The following TGM5 variants were observed in gnomAD, a reference collection of about 807,000 sequenced individuals.
TGM5 encodes the protein transglutaminase 5, also known as protein-glutamine gamma-glutamyltransferase 5.
Under a neutral mutation model 77.2 loss-of-function variants are expected in TGM5, and 69 were observed. The ratio of observed to expected loss-of-function variants is 0.89; its 90% CI spans 0.74 to 1.09. The LOEUF is 1.09. Ranked by LOEUF, TGM5 falls within the 50% of genes least tolerant of loss-of-function variation. TGM5 has a pLI of 0.00. For synonymous variants in TGM5, 346 were observed against 351.8 expected (o/e 0.98, Z 0.18); for missense variants, 842 against 896.5 (o/e 0.94, Z 0.78).
At chr15:43,253,413 G>A in intron 5 of TGM5, 93 bp downstream of exon 5, 2 of 1,562,586 alleles carry the variant, frequency 1.3e-6, no homozygotes, top group Admixed American at 3.5e-5. Flanking sequence ...TTGCCAGAGG[G>A]TCCCTCTTTC....
At chr15:43,254,171 G>C (rs1005307722) in intron 4 of TGM5, among the ~76,000 whole-genome samples, 5 of 152,218 alleles carry the variant, frequency 3.3e-5, no homozygotes, top group African/African-American at 1.2e-4. Context: ...TGGTCCTTCA[G>C]ACTTGGTGTG....
chr15:43,239,044 C>T lies in TGM5; in HGVS notation c.1118G>A (p.Cys373Tyr), dbSNP rs1566829262. 3 of 1,614,034 alleles carry T rather than the reference C, an allele frequency of 1.9e-6. No individual in the cohort carries two copies. The highest frequency in any genetic ancestry group is 1.7e-5 in the Admixed American group (1 of 60,020). Residue 373 changes from cysteine to tyrosine, a missense_variant, in exon 9 of 13, where the codon TGT becomes TAT. Physicochemically the swap from Cys to Tyr is radical, Grantham distance 194. Around this residue, in one of 2 missense-constraint regions of TGM5, gnomAD observed 815 missense variants for 844.6 expected, o/e 0.96. Coordinates refer to ENST00000220420, the MANE Select transcript of TGM5 (RefSeq NM_201631.4). ...GATGGCTCTGACAGAGGCAGGGCCACAGCAGTAGACGCCTGAAGGAGAACA... is the reference window on the plus strand; with the variant it reads ...GATGGCTCTGACAGAGGCAGGGCCATAGCAGTAGACGCCTGAAGGAGAACA... ...PQEMSNGVYC[C>Y]GPASVRAIKE...
At chr15:43,256,536 CG>C in intron 4 of TGM5, 31 bp downstream of exon 4, 1 of 1,552,364 alleles carries the variant, frequency 6.4e-7, no homozygotes, top group Non-Finnish European at 8.9e-7. Flanking sequence ...AGCTCGGGGC[CG>C]GGATGGGCCA....
chr15:43,233,423 A>G lies in TGM5; in HGVS notation c.2010-79T>C. 6 of 1,609,232 alleles carry G rather than the reference A, an allele frequency of 3.7e-6. No individual in the cohort carries two copies. The South Asian group carries it at 6.6e-5, about 18-fold the overall frequency. ...GAGCCCTTTTCCACCCAGCTTCCTG[A>G]GTGGGAGGGAGTGCTTCCACTTTCC... is the stretch of plus-strand genomic sequence containing the variant. On this transcript the variant is annotated intron_variant, in intron 12 of 12. Transcript: ENST00000220420.
intron 1 of TGM5, among the ~76,000 whole-genome samples, chr15:43,261,090 T>TTTTTTTTG (rs2042786210): frequency 3.1e-5 from 3 of 97,118 alleles, no homozygotes; most frequent in African/African-American, 5.1e-5. Context: ...TTTTTTTTTT[T>TTTTTTTTG]TTTTTTTTTT....
Position 43,260,545 on chromosome 15 carries a change from G to A in TGM5, c.45C>T (p.Ser15=). The A allele has an allele frequency of 2.5e-6, 4 of 1,614,110 alleles. No individual in the cohort carries two copies. The highest frequency in any genetic ancestry group is 3.4e-6 in the Non-Finnish European group (4 of 1,179,968). Residue 15 remains serine, a synonymous_variant, in exon 2 of 13, where the codon TCC becomes TCT. Transcript: ENST00000220420. The part of the protein sequence containing the change: ...LEVALTDLQS[S]RNNVRHHTEE... ...CCGTGTGGTGCCGCACATTATTTCTGGAGCTCTGGAGGTCTGTGAGGGCCA... is the reference window on the plus strand; with the variant it reads ...CCGTGTGGTGCCGCACATTATTTCTAGAGCTCTGGAGGTCTGTGAGGGCCA...
At chr15:43,242,184 G>A (rs1196691101) in intron 6 of TGM5, among the ~76,000 whole-genome samples, 3 of 152,200 alleles carry the variant, frequency 2.0e-5, no homozygotes, top group South Asian at 2.1e-4. Flanking sequence ...CTTGACCAAG[G>A]TCACACAGCT....
intron 5 of TGM5, 144 bp from the exon 6 acceptor site, chr15:43,253,080 G>T (rs2042717266): frequency 2.2e-6 from 2 of 896,352 alleles, no homozygotes; most frequent in Non-Finnish European, 3.6e-6. Context: ...AGACCTGCTG[G>T]GGAGGGCTAA....
intron 6 of TGM5, among the ~76,000 whole-genome samples, chr15:43,241,669 T>A (rs1401461296): frequency 6.6e-6 from 1 of 152,208 alleles, no homozygotes; most frequent in Admixed American, 6.5e-5. Flanking sequence ...ATTTCCATTC[T>A]GTGCTTTTTA....
At chr15:43,264,408 A>G in intron 1 of TGM5, among the ~76,000 whole-genome samples, 1 of 152,218 alleles carries the variant, frequency 6.6e-6, no homozygotes, top group East Asian at 1.9e-4. Context: ...GATAAACAAA[A>G]TGATATACAA....
Position 43,256,571 on chromosome 15 carries a change from T to A in TGM5, c.552A>T (p.Gly184=). Reference sequence around the variant, plus strand: ...CATAAGCAGGGCTGAGACTCACCTGTCCATAGTTCCAGGGACATGGGCGGA... The same window carrying A: ...CATAAGCAGGGCTGAGACTCACCTGACCATAGTTCCAGGGACATGGGCGGA... ...NWIRPCPWNY[G]QFEDKIIDIC... Residue 184 remains glycine (G), a synonymous_variant, in exon 4 of 13, where the codon GGA becomes GGT. Transcript: ENST00000220420. 1 of 1,613,414 alleles carries A rather than the reference T, an allele frequency of 6.2e-7. No homozygotes were observed. Among genetic ancestry groups the A allele is most frequent in the Non-Finnish European group, 8.5e-7 (1 of 1,179,312 alleles).
chr15:43,255,724 G>A (rs1016196229), intron 4 of TGM5, among the ~76,000 whole-genome samples: 2 of 152,126 alleles, frequency 1.3e-5, no homozygotes, highest in Non-Finnish European at 2.9e-5. Flanking sequence ...CAGTGCTCTT[G>A]GCACTGGGGC....
chr15:43,235,760 C>T lies in TGM5; in HGVS notation c.1423G>A (p.Gly475Arg), dbSNP rs1351035547. Residue 475 changes from glycine to arginine, a missense_variant, in exon 10 of 13, where the codon GGA (glycine) becomes AGA (arginine). This residue lies in a region of TGM5 where 815 missense variants were observed against 844.6 expected (regional missense o/e 0.96). Transcript: ENST00000220420. ...KARSFHGSQRGAELQPSRPTS... is the reference protein window; with the variant it reads ...KARSFHGSQRRAELQPSRPTS... ...GGCCTGGAAGGTTGCAACTCTGCTC[C>T]TCTTTGGGAGCCATGGAAGCTTCTA... 8 of 1,614,090 alleles carry T rather than the reference C, an allele frequency of 5.0e-6. No individual in the cohort carries two copies. In the East Asian group the frequency reaches 1.6e-4, roughly 31 times the overall value.
At position 43,256,580 on chromosome 15, in the gene TGM5, C is replaced by G; in HGVS notation, c.543G>C (p.Trp181Cys). ...GSKNWIRPCP[W>C]NYGQFEDKII... ...GGCTGAGACTCACCTGTCCATAGTT[C>G]CAGGGACATGGGCGGATCCAGTTCT... The change falls in exon 4 of 13, where the codon TGG (tryptophan) becomes TGC (cysteine). Residue 181 changes from tryptophan to cysteine, a missense_variant. Trp to Cys is a radical substitution (Grantham distance 215). Around this residue, in one of 2 missense-constraint regions of TGM5, gnomAD observed 815 missense variants for 844.6 expected, o/e 0.96. Transcript: ENST00000220420. 10 of 1,613,952 alleles carry G rather than the reference C, an allele frequency of 6.2e-6. No homozygotes were observed. The highest frequency in any genetic ancestry group is 8.5e-6 in the Non-Finnish European group (10 of 1,179,846).
At chr15:43,235,321 G>A in intron 10 of TGM5, 148 bp downstream of exon 10, 1 of 1,010,634 alleles carries the variant, frequency 9.9e-7, no homozygotes, top group East Asian at 2.6e-5. Flanking sequence ...AAGGGGGAAG[G>A]AGAAGAGGGA....
intron 6 of TGM5, among the ~76,000 whole-genome samples, chr15:43,246,440 C>T (rs74841390): frequency 0.047 from 7,139 of 152,278 alleles, 563 homozygotes; most frequent in African/African-American, 0.16. Context: ...TGACAGCAGG[C>T]ACCCTTGATA....
chr15:43,242,881 AG>A (rs2042646844), intron 6 of TGM5, among the ~76,000 whole-genome samples: 1 of 152,254 alleles, frequency 6.6e-6, no homozygotes, highest in Non-Finnish European at 1.5e-5. Flanking sequence ...GCAGCATTGC[AG>A]GGGCGCATTT....
rs755361778 is a variant in TGM5 at position 43,238,904 on chromosome 15, TG to T, written c.1257del (p.Asp419GlufsTer40). The T allele has an allele frequency of 6.2e-7, 1 of 1,614,220 alleles. No homozygotes were observed. Among genetic ancestry groups the T allele is most frequent in the Admixed American group, 1.7e-5 (1 of 60,030 alleles). ...CTGATAAAATTGCCAACAGAACTCG[TG>T]TCCTGGTGAAGCTTCTGCTCCTTCC... ...QGGKEQKLHQ[D>X]TSSVGNFIST... On this transcript the variant is annotated frameshift_variant, in exon 9 of 13. Transcript: ENST00000220420. LOFTEE classifies it high-confidence loss of function.
chr15:43,249,660 CAA>C (rs1198424597), intron 6 of TGM5, among the ~76,000 whole-genome samples: 1 of 152,156 alleles, frequency 6.6e-6, no homozygotes, highest in African/African-American at 2.4e-5. Context: ...CCAATCTTGT[CAA>C]AGAGTGAAAG....
Sources: allele counts gnomAD v4.1 joint callset (sites outside exome capture counted in the v4.1 genomes callset), GRCh38; gene constraint gnomAD v4.1.1; regional missense constraint gnomAD v4.1.1; transcripts MANE v1.5; gene names NCBI Gene and HGNC (gene_info 2026-07-23, HGNC 2026-07-21).